FARS2: variants seen among roughly 807,000 people sequenced by gnomAD.
FARS2 encodes phenylalanine--tRNA ligase, mitochondrial.
In FARS2, 40 loss-of-function variants were observed where a neutral mutation model predicts 46.4. The ratio of observed to expected loss-of-function variants is 0.86; its 90% CI spans 0.67 to 1.12. FARS2 has a LOEUF of 1.12. Ranked by LOEUF, FARS2 falls within the 50% of genes most tolerant of loss-of-function variation. The pLI, the probability that FARS2 is intolerant of heterozygous loss-of-function variation, is 0.00. For missense variants in FARS2, 513 were observed against 567.9 expected, an observed-to-expected ratio of 0.90 and a Z score of 0.98; for synonymous variants, 234 against 214.9, an observed-to-expected ratio of 1.09 and a Z score of -0.78.
intron 5 of FARS2, among the ~76,000 whole-genome samples, chr6:5,551,224 G>A (rs758353082): frequency 3.9e-5 from 6 of 152,072 alleles, no homozygotes; most frequent in South Asian, 2.1e-4. Context: ...TAATTCTGCC[G>A]CTATGAATGA....
chr6:5,631,289 T>C (rs528379634), intron 6 of FARS2, among the ~76,000 whole-genome samples: 12 of 152,268 alleles, frequency 7.9e-5, no homozygotes, highest in African/African-American at 2.6e-4. Context: ...TCTATTTAAA[T>C]ATGAATCCCA....
chr6:5,317,685 C>T (rs72815630), intron 1 of FARS2, among the ~76,000 whole-genome samples: 9,283 of 151,576 alleles, frequency 0.061, 401 homozygotes, highest in East Asian at 0.13. Flanking sequence ...AGGGCGGAGG[C>T]GGGAGAATCT....
In FARS2 at chr6:5,379,745, C is replaced by T. The variant is rs141083392; in HGVS notation, c.612+10563C>T. ...TGGGGTACCGAGGAGAGCAGCTGGC[C>T]ATTGGAGGAGCTGTGTTGCCACCTG... On this transcript the variant is annotated intron_variant, in intron 2 of 6. Coordinates refer to ENST00000274680, the MANE Select transcript of FARS2 (RefSeq NM_006567.5). Among the ~76,000 whole-genome samples, 77 of 152,298 alleles carry T rather than the reference C, an allele frequency of 5.1e-4. No individual in the cohort carries two copies. The South Asian group carries it at 9.5e-3, about 19-fold the overall frequency.
At chr6:5,273,362 C>T (rs1766101164) in intron 1 of FARS2, among the ~76,000 whole-genome samples, 1 of 152,156 alleles carries the variant, frequency 6.6e-6, no homozygotes, top group South Asian at 2.1e-4. Flanking sequence ...GCCATTTTAA[C>T]TGGGGTTAGA....
chr6:5,402,240 TAAATC>T (rs142805842), intron 2 of FARS2, among the ~76,000 whole-genome samples: 12,188 of 151,886 alleles, frequency 0.08, 562 homozygotes, highest in East Asian at 0.11. Context: ...TTTTCTGAGT[TAAATC>T]AATTCTCTTT....
chr6:5,599,981 G>A (rs897972931), intron 5 of FARS2, among the ~76,000 whole-genome samples: 1 of 152,028 alleles, frequency 6.6e-6, no homozygotes, highest in Non-Finnish European at 1.5e-5. Flanking sequence ...GGAGCCACAT[G>A]CAATGCAAAT....
intron 5 of FARS2, among the ~76,000 whole-genome samples, chr6:5,578,475 T>G (rs1482211043): frequency 6.6e-6 from 1 of 151,942 alleles, no homozygotes; most frequent in Non-Finnish European, 1.5e-5. Context: ...CCTTTTCAAT[T>G]TTTTTTAACG....
chr6:5,546,929 G>GTTATTATT (rs141724408), intron 5 of FARS2, among the ~76,000 whole-genome samples: 2 of 151,050 alleles, frequency 1.3e-5, no homozygotes, highest in African/African-American at 4.9e-5. Flanking sequence ...ATTCATAATG[G>GTTATTATT]TTATTTTATT....
At chr6:5,565,675 C>T (rs1772282069) in intron 5 of FARS2, among the ~76,000 whole-genome samples, 2 of 152,274 alleles carry the variant, frequency 1.3e-5, no homozygotes, top group South Asian at 4.1e-4. Context: ...CAAAATATAA[C>T]TTAAAGAAGA....
intron 1 of FARS2, among the ~76,000 whole-genome samples, chr6:5,289,814 C>T (rs1382233761): frequency 1.3e-5 from 2 of 152,210 alleles, no homozygotes. Flanking sequence ...GGAGTAGCCT[C>T]TGGTTCTTTT....
intron 1 of FARS2, among the ~76,000 whole-genome samples, chr6:5,286,039 A>G (rs1211604033): frequency 2.1e-5 from 3 of 141,870 alleles, no homozygotes; most frequent in Admixed American, 6.9e-5. Context: ...TTCCCTTCTT[A>G]TGTCTCTTTC....
In FARS2 at chr6:5,402,643, G is replaced by A. The variant is rs912658751; in HGVS notation, c.613-1899G>A. Among the ~76,000 whole-genome samples, 4 of 151,984 alleles carry A rather than the reference G, an allele frequency of 2.6e-5. No individual in the cohort carries two copies. In the East Asian group the frequency reaches 5.8e-4, roughly 22 times the overall value. On this transcript the variant is annotated intron_variant, in intron 2 of 6. Coordinates refer to ENST00000274680, the MANE Select transcript of FARS2 (RefSeq NM_006567.5). ...GTAAATCCTCTAATTTTTTAGCTGT[G>A]CTTTATCTTTCACAACCTTGAATTT...
chr6:5,380,301 TTTG>T (rs1376904293), intron 2 of FARS2, among the ~76,000 whole-genome samples: 2 of 152,226 alleles, frequency 1.3e-5, no homozygotes, highest in African/African-American at 4.8e-5. Context: ...ACATTCTACA[TTTG>T]TTGTTGAAGG....
chr6:5,592,621 G>T (rs1472720447), intron 5 of FARS2, among the ~76,000 whole-genome samples: 1 of 151,986 alleles, frequency 6.6e-6, no homozygotes, highest in Non-Finnish European at 1.5e-5. Context: ...GATTTATCTA[G>T]TGCCTTTGCT....
intron 4 of FARS2, among the ~76,000 whole-genome samples, chr6:5,454,322 A>G (rs368835848): frequency 6.6e-6 from 1 of 151,626 alleles, no homozygotes; most frequent in East Asian, 1.9e-4. Context: ...GAAAATATCA[A>G]CACTTGTTTT....
intron 6 of FARS2, among the ~76,000 whole-genome samples, chr6:5,621,598 A>G (rs1471818473): frequency 1.3e-5 from 2 of 152,182 alleles, no homozygotes; most frequent in Non-Finnish European, 2.9e-5. Flanking sequence ...TCAGTCTGGG[A>G]AAGTTTACCA....
intron 5 of FARS2, among the ~76,000 whole-genome samples, chr6:5,564,152 G>A (rs1772178981): frequency 1.3e-5 from 2 of 152,212 alleles, no homozygotes; most frequent in African/African-American, 4.8e-5. Context: ...GTTAGAAGGT[G>A]CTACCCTGTA....
chr6:5,610,418 T>G (rs1775111865), intron 5 of FARS2, among the ~76,000 whole-genome samples: 1 of 151,688 alleles, frequency 6.6e-6, no homozygotes, highest in Non-Finnish European at 1.5e-5. Context: ...CCAATTGTAG[T>G]CAAAAATATT....
chr6:5,691,143 T>A (rs920490414), intron 6 of FARS2, among the ~76,000 whole-genome samples: 7 of 152,220 alleles, frequency 4.6e-5, no homozygotes, highest in African/African-American at 1.7e-4. Context: ...AACTTCCTCC[T>A]TTAGCTCGGA....
Sources: gnomAD v4.1 joint callset for allele counts (sites outside exome capture counted in the v4.1 genomes callset) on GRCh38, gnomAD v4.1.1 for gene constraint, MANE v1.5 for transcripts, NCBI Gene and HGNC (gene_info 2026-07-23, HGNC 2026-07-21) for gene names.